PIGN: variants seen among roughly 807,000 people sequenced by gnomAD.
PIGN encodes the protein phosphatidylinositol glycan anchor biosynthesis class N, also known as GPI ethanolamine phosphate transferase 1.
In PIGN, 117 loss-of-function variants were observed where a neutral mutation model predicts 125.4. The observed-to-expected ratio is 0.93, with a 90% CI of 0.80 to 1.09. PIGN has a LOEUF of 1.09. Ranked by LOEUF, PIGN falls within the 50% of genes least tolerant of loss-of-function variation. The pLI, the probability that PIGN is intolerant of heterozygous loss-of-function variation, is 0.00. For missense variants in PIGN, 1,075 were observed against 1,094.9 expected, an observed-to-expected ratio of 0.98 and a Z score of 0.26; for synonymous variants, 392 against 377.8, an observed-to-expected ratio of 1.04 and a Z score of -0.44.
intron 23 of PIGN, among the ~76,000 whole-genome samples, chr18:62,035,085 G>C (rs1643944366): frequency 6.6e-6 from 1 of 152,214 alleles, no homozygotes; most frequent in South Asian, 2.1e-4. Flanking sequence ...AGATCTGATG[G>C]TTTTATAAAG....
chr18:62,158,075 T>C (rs906471567), intron 4 of PIGN: 10 of 310,442 alleles, frequency 3.2e-5, no homozygotes, highest in African/African-American at 1.9e-4. Flanking sequence ...ACATGATTGT[T>C]GTTTTAAGCC....
rs1311000054 is a variant in PIGN, at chr18:62,113,385, A to G, written c.1252-69T>C. 5 of 1,174,020 alleles carry G rather than the reference A, an allele frequency of 4.3e-6. No individual in the cohort carries two copies. In the East Asian group the frequency reaches 1.2e-4, roughly 29 times the overall value. The allele number at this position is 1,174,020 out of a possible 1,614,324, so 72.7% of individuals were successfully genotyped here. ...GAAAACCTACATTTTAAAGAAAGGA[A>G]AATTTTAAATTCCTAACAGCCAAAC... On this transcript the variant is annotated intron_variant, in intron 15 of 30. Coordinates refer to ENST00000640252, the MANE Select transcript of PIGN (RefSeq NM_176787.5).
At chr18:62,121,124 GC>G (rs1435410382) in intron 14 of PIGN, among the ~76,000 whole-genome samples, 1 of 152,168 alleles carries the variant, frequency 6.6e-6, no homozygotes, top group Non-Finnish European at 1.5e-5. Flanking sequence ...AAGGGCATTT[GC>G]CAATGACACA....
At chr18:62,089,735 T>C (rs2033871168) in intron 24 of PIGN, among the ~76,000 whole-genome samples, 3 of 152,122 alleles carry the variant, frequency 2.0e-5, no homozygotes. Context: ...TCAATAACAA[T>C]CTACAAACTC....
chr18:62,154,496 TTCAGG>T (rs1463866423), intron 7 of PIGN, 44 bp downstream of exon 7: 1 of 870,014 alleles, frequency 1.1e-6, no homozygotes, highest in Admixed American at 1.9e-5. Flanking sequence ...TCTCCAATAC[TTCAGG>T]TAAAAATATG....
intron 14 of PIGN, 74 bp from the exon 15 acceptor site, chr18:62,114,713 A>C: frequency 1.5e-6 from 1 of 660,970 alleles, no homozygotes; most frequent in Non-Finnish European, 2.3e-6. Context: ...CCCCTTAATT[A>C]AAAAACAAAG....
At chr18:62,036,947 C>G (rs2030269542), downstream of PIGN, among the ~76,000 whole-genome samples, 1 of 152,174 alleles carries the variant, frequency 6.6e-6, no homozygotes, top group Non-Finnish European at 1.5e-5. Flanking sequence ...TCCTCAATTA[C>G]AACACAAGCT....
intron 14 of PIGN, chr18:62,136,792 G>A: frequency 3.0e-6 from 1 of 338,184 alleles, no homozygotes; most frequent in Non-Finnish European, 5.3e-6. Flanking sequence ...CTAATTGAAT[G>A]TGAACCTCAA....
At chr18:62,080,406 T>C (rs1179118590) in intron 28 of PIGN, among the ~76,000 whole-genome samples, 1 of 152,224 alleles carries the variant, frequency 6.6e-6, no homozygotes, top group Non-Finnish European at 1.5e-5. Context: ...TGTGACACTT[T>C]TGGCAGGTTG....
At chr18:62,057,226 C>T (rs1191126288) in intron 30 of PIGN, among the ~76,000 whole-genome samples, 1 of 152,150 alleles carries the variant, frequency 6.6e-6, no homozygotes, top group African/African-American at 2.4e-5. Flanking sequence ...TAGCTCCCTC[C>T]AGCACCATCC....
chr18:62,127,347 A>G (rs1010001647), intron 14 of PIGN, among the ~76,000 whole-genome samples: 3 of 152,200 alleles, frequency 2.0e-5, no homozygotes, highest in Admixed American at 6.5e-5. Context: ...AAAATTATCT[A>G]ACACAAAGCT....
chr18:62,077,950 A>C (rs2033257544), intron 28 of PIGN, among the ~76,000 whole-genome samples: 26 of 152,262 alleles, frequency 1.7e-4, no homozygotes, highest in Admixed American at 1.4e-3. Context: ...TTCACATGTT[A>C]TCTCTTCTGT....
At chr18:62,118,370 A>G (rs148858475) in intron 14 of PIGN, among the ~76,000 whole-genome samples, 2 of 152,294 alleles carry the variant, frequency 1.3e-5, no homozygotes, top group Admixed American at 1.3e-4. Context: ...CCCACCAAGA[A>G]CAACTAGAAA....
intron 23 of PIGN, among the ~76,000 whole-genome samples, chr18:62,032,942 T>C (rs1568104584): frequency 6.6e-6 from 1 of 152,212 alleles, no homozygotes; most frequent in Non-Finnish European, 1.5e-5. Context: ...TGCATATCAA[T>C]TAAAGGTTTT....
intron 30 of PIGN, among the ~76,000 whole-genome samples, chr18:62,061,855 T>C (rs1329527282): frequency 6.6e-6 from 1 of 152,194 alleles, no homozygotes; most frequent in African/African-American, 2.4e-5. Context: ...AGTACAATAA[T>C]GAAGTTTTGA....
In PIGN at chr18:62,157,705, C is replaced by T. The variant is rs771002873; in HGVS notation, c.325G>A (p.Val109Ile). The T allele has an allele frequency of 1.9e-6, 3 of 1,611,492 alleles. No homozygotes were observed. The highest frequency in any genetic ancestry group is 1.7e-6 in the Non-Finnish European group (2 of 1,178,678). Reference sequence around the variant, plus strand: ...ACAATACCTTTGGCAACTGCACTGACATCTTCATAAAACCCAGCTATCAGA... The same window carrying T: ...ACAATACCTTTGGCAACTGCACTGATATCTTCATAAAACCCAGCTATCAGA... ...VALIAGFYED[V>I]SAVAKGWKEN... is the part of the protein sequence containing the mutation. Residue 109 changes from valine (V) to isoleucine (I), a missense_variant, in exon 5 of 31, where the codon GTC becomes ATC. Physicochemically the swap from Val to Ile is conservative, Grantham distance 29. Around this residue, in one of 3 missense-constraint regions of PIGN, gnomAD observed 152 missense variants for 162.9 expected, o/e 0.93. Transcript: ENST00000640252.
intron 23 of PIGN, among the ~76,000 whole-genome samples, chr18:62,026,682 C>G (rs1193300552): frequency 6.6e-6 from 1 of 152,270 alleles, no homozygotes; most frequent in African/African-American, 2.4e-5. Flanking sequence ...ACGGAGAACC[C>G]CAACAGCCTT....
intron 1 of PIGN, among the ~76,000 whole-genome samples, chr18:62,179,438 T>C (rs1328826920): frequency 6.6e-6 from 1 of 152,168 alleles, no homozygotes; most frequent in Non-Finnish European, 1.5e-5. Context: ...ACCCAGTCAA[T>C]TGTGTAATTA....
At chr18:62,176,042 T>C (rs2037514597) in intron 1 of PIGN, among the ~76,000 whole-genome samples, 1 of 152,184 alleles carries the variant, frequency 6.6e-6, no homozygotes, top group Admixed American at 6.5e-5. Context: ...ACAAGAAGTT[T>C]CAGGCAATTT....
Sources: allele counts gnomAD v4.1 joint callset (sites outside exome capture counted in the v4.1 genomes callset), GRCh38; gene constraint gnomAD v4.1.1; regional missense constraint gnomAD v4.1.1; transcripts MANE v1.5; gene names NCBI Gene and HGNC (gene_info 2026-07-23, HGNC 2026-07-21).